POLR3A: variants seen among roughly 807,000 people sequenced by gnomAD.
The protein encoded by POLR3A is RNA polymerase III subunit A.
POLR3A carries 112 observed loss-of-function variants against 152.8 expected under a neutral mutation model. The observed-to-expected ratio is 0.73, with a 90% CI of 0.63 to 0.86. POLR3A has a LOEUF of 0.86. Among genes scored for constraint, POLR3A ranks in the 40% least tolerant of loss-of-function variants. POLR3A has a pLI of 0.00. For synonymous variants in POLR3A, 615 were observed against 652.1 expected (o/e 0.94, Z 0.87); for missense variants, 1,385 against 1,743.1 (o/e 0.79, Z 3.66).
In POLR3A at chr10:77,981,539, G is replaced by C. The variant is rs749352806; in HGVS notation, c.3780C>G (p.Ile1260Met). Reference protein sequence around the residue: ...NTYEVEKTLGIEAARTTIINE... With the variant: ...NTYEVEKTLGMEAARTTIINE... ...TGATGATCGTTGTCCGGGCGGCCTC[G>C]ATGCCCAGAGTTTTCTCCACCTACA... Residue 1260 changes from isoleucine (I) to methionine (M), a missense_variant, in exon 29 of 31, where the codon ATC (isoleucine) becomes ATG (methionine). By Grantham distance (10) the Ile-to-Met change is conservative. This residue lies in a region of POLR3A where 332 missense variants were observed against 400.1 expected (regional missense o/e 0.83). Transcript: ENST00000372371. 2 of 1,614,008 alleles carry C rather than the reference G, an allele frequency of 1.2e-6. No homozygotes were observed. Among genetic ancestry groups the C allele is most frequent in the Non-Finnish European group, 1.7e-6 (2 of 1,179,984 alleles).
intron 21 of POLR3A, among the ~76,000 whole-genome samples, chr10:77,987,520 T>A (rs112381859): frequency 0.016 from 2,384 of 151,696 alleles, 55 homozygotes; most frequent in African/African-American, 0.051. Flanking sequence ...AGGCTGAGGG[T>A]CCCCCAGAGA....
At chr10:77,983,170 C>T (rs138409588) in intron 26 of POLR3A, among the ~76,000 whole-genome samples, 33 of 152,250 alleles carry the variant, frequency 2.2e-4, no homozygotes, top group Non-Finnish European at 3.7e-4. Context: ...CTTTACCTGA[C>T]ACTTTCACAA....
chr10:78,000,355 C>A (rs1311884827), intron 18 of POLR3A, among the ~76,000 whole-genome samples: 1 of 152,094 alleles, frequency 6.6e-6, no homozygotes, highest in Non-Finnish European at 1.5e-5. Context: ...GGCAAGTGGC[C>A]CAAGAGAGGG....
At chr10:78,019,613 G>A in intron 8 of POLR3A, 1 of 337,912 alleles carries the variant, frequency 3.0e-6, no homozygotes, top group East Asian at 6.9e-5. Context: ...ACTTACTGGG[G>A]GCTTGTAAGG....
chr10:78,021,765 G>C (rs1847581768), intron 7 of POLR3A, 83 bp from the exon 8 acceptor site: 1 of 1,608,110 alleles, frequency 6.2e-7, no homozygotes, highest in Non-Finnish European at 8.5e-7. Flanking sequence ...ACTGAGGAAA[G>C]CCTGTGACCT....
chr10:78,027,795 G>C (rs1388264875), intron 1 of POLR3A, among the ~76,000 whole-genome samples: 1 of 152,146 alleles, frequency 6.6e-6, no homozygotes, highest in African/African-American at 2.4e-5. Context: ...CTGACCTCAT[G>C]ATCTGCCTGC....
Position 77,985,174 on chromosome 10 carries a change from T to G in POLR3A, c.3238A>C (p.Ile1080Leu). Residue 1080 changes from isoleucine to leucine, a missense_variant, in exon 24 of 31, where the codon ATC becomes CTC. Around this residue, in one of 7 missense-constraint regions of POLR3A, gnomAD observed 22 missense variants for 59.7 expected, o/e 0.37. Transcript: ENST00000372371. The part of the protein sequence containing the change: ...IKEIINASKA[I>L]STPIITAQLD... ...GAAGGAAATGAAAGCAGGCACCTGA[T>G]GGCCTTGGAAGCGTTGATGATCTCT... 6.2e-7 allele frequency: 1 copy of G among 1,613,762 alleles called. No individual in the cohort carries two copies. The highest frequency in any genetic ancestry group is 8.5e-7 in the Non-Finnish European group (1 of 1,179,592).
chr10:78,024,772 TG>T, intron 4 of POLR3A, 69 bp from the exon 5 acceptor site: 1 of 1,462,450 alleles, frequency 6.8e-7, no homozygotes, highest in Non-Finnish European at 9.5e-7. Flanking sequence ...GATTGTAGTA[TG>T]GTTAATGAAA....
chr10:78,014,533 C>T, intron 10 of POLR3A, among the ~76,000 whole-genome samples: 1 of 152,090 alleles, frequency 6.6e-6, no homozygotes, highest in East Asian at 1.9e-4. Context: ...TCTCCTGCCT[C>T]AGCCTCCTGA....
At position 78,025,706 on chromosome 10, in the gene POLR3A, G is replaced by T. The variant is rs1184657366; in HGVS notation, c.234C>A (p.Asp78Glu). ...CGATATACCCATAGTGGCCTAGACA[G>T]TCAGCCAAGTTTTTCCCACAGGTTT... Reference protein sequence around the residue: ...PCETCGKNLADCLGHYGYIDL... With the variant: ...PCETCGKNLAECLGHYGYIDL... The change falls in exon 3 of 31, where the codon GAC becomes GAA. Residue 78 changes from aspartate to glutamate, a missense_variant. Asp to Glu is a conservative substitution (Grantham distance 45). Around this residue, in one of 7 missense-constraint regions of POLR3A, gnomAD observed 493 missense variants for 647.5 expected, o/e 0.76. Transcript: ENST00000372371. The T allele has an allele frequency of 2.5e-6, 4 of 1,613,930 alleles. No individual in the cohort carries two copies. In the Admixed American group the frequency reaches 6.7e-5, roughly 27 times the overall value.
rs1847537030 is a variant in POLR3A, at chr10:78,017,595, AT to A, written c.1410del (p.Lys470AsnfsTer2). The A allele has an allele frequency of 6.2e-7, 1 of 1,614,110 alleles. No homozygotes were observed. The highest frequency in any genetic ancestry group is 8.5e-7 in the Non-Finnish European group (1 of 1,180,046). ...VLFNRQPSLH[K>X]LSIMAHLARV... ...CTCACCAGATGAGCCATAATGCTCA[AT>A]TTGTGCAGCGAGGGCTGCCGATTGA... On this transcript the variant is annotated frameshift_variant, in exon 10 of 31. Transcript: ENST00000372371. LOFTEE classifies it high-confidence loss of function.
chr10:77,977,678 T>G, intron 30 of POLR3A, 52 bp from the exon 31 acceptor site: 1 of 1,516,512 alleles, frequency 6.6e-7, no homozygotes, highest in Non-Finnish European at 9.2e-7. Flanking sequence ...AAGGTACATT[T>G]TCACGAAGAA....
chr10:77,992,283 T>C (rs1487124038), intron 20 of POLR3A, among the ~76,000 whole-genome samples: 1 of 151,778 alleles, frequency 6.6e-6, no homozygotes, highest in Non-Finnish European at 1.5e-5. Context: ...ATCTTTTTTT[T>C]TTTTTTAAGA....
In POLR3A at chr10:78,021,898, C is replaced by T; in HGVS notation, c.1010G>A (p.Trp337Ter). 6.2e-7 allele frequency: 1 copy of T among 1,614,116 alleles called. No individual in the cohort carries two copies. The highest frequency in any genetic ancestry group is 8.5e-7 in the Non-Finnish European group (1 of 1,180,030). Residue 337 changes from tryptophan (W) to a stop codon, truncating the protein, a stop_gained, in exon 7 of 31, where the codon TGG (tryptophan) becomes TAG (stop). Transcript: ENST00000372371. LOFTEE classifies it high-confidence loss of function. ...GIPLNMAPKK[W>*]TRGFVQRLKG... ...CAGGCGTTGGACGAAGCCTCTGGTC[C>T]ACTTCTTGGGTGCCATGTTGAGGGG...
chr10:77,981,624 T>C lies in POLR3A; in HGVS notation c.3760-65A>G, dbSNP rs1564612989. 1.9e-6 allele frequency: 3 copies of C among 1,570,768 alleles called. No homozygotes were observed. In the East Asian group the frequency reaches 6.7e-5, roughly 35 times the overall value. ...GGAGGCCACTGCAAATTCTCTCCAC[T>C]TTCTCCTCTGCCCTGCAGTTTCAAA... On this transcript the variant is annotated intron_variant, in intron 28 of 30. Transcript: ENST00000372371.
chr10:78,021,728 G>T, intron 7 of POLR3A, 46 bp from the exon 8 acceptor site: 1 of 1,611,696 alleles, frequency 6.2e-7, no homozygotes. Context: ...CATACCATGT[G>T]CTCATGGGAA....
chr10:77,980,755 A>G (rs1847133374), intron 29 of POLR3A, among the ~76,000 whole-genome samples: 1 of 152,198 alleles, frequency 6.6e-6, no homozygotes, highest in Non-Finnish European at 1.5e-5. Flanking sequence ...GCATGCACAC[A>G]GTTTCCTGCG....
At chr10:78,012,748 G>T (rs927510479) in intron 11 of POLR3A, among the ~76,000 whole-genome samples, 3 of 151,850 alleles carry the variant, frequency 2.0e-5, no homozygotes, top group African/African-American at 7.3e-5. Flanking sequence ...TTGAGACAGG[G>T]TCTTGCTCTG....
In POLR3A at chr10:78,004,824, C is replaced by T; in HGVS notation, c.2139G>A (p.Lys713=). The change falls in exon 16 of 31, where the codon AAG becomes AAA. Residue 713 remains lysine, a synonymous_variant. Coordinates refer to ENST00000372371, the MANE Select transcript of POLR3A (RefSeq NM_007055.4). ...TGTAGCCGGCATTCAGCAACTCATA[C>T]TTGGCCTTCAGCAGTCCTTGGCCAG... The part of the protein sequence containing the change: ...VTPGQGLLKA[K]YELLNAGYKK... 1 of 1,614,112 alleles carries T rather than the reference C, an allele frequency of 6.2e-7. No homozygotes were observed. The highest frequency in any genetic ancestry group is 1.3e-5 in the African/African-American group (1 of 75,048).
Sources: gnomAD v4.1 joint callset for allele counts (sites outside exome capture counted in the v4.1 genomes callset) on GRCh38, gnomAD v4.1.1 for gene constraint, gnomAD v4.1.1 regional missense constraint, MANE v1.5 for transcripts, NCBI Gene and HGNC (gene_info 2026-07-23, HGNC 2026-07-21) for gene names.